Variants in PCDHGB3 observed in about 807,000 individuals in gnomAD.
The protein encoded by PCDHGB3 is protocadherin gamma-B3.
A neutral mutation model predicts 59.2 loss-of-function variants in PCDHGB3; 40 were observed. The observed-to-expected ratio is 0.68, with a 90% confidence interval of 0.52 to 0.88. PCDHGB3 has a LOEUF of 0.88. Among genes scored for constraint, PCDHGB3 ranks in the 40% least tolerant of loss-of-function variants. The pLI, the probability that PCDHGB3 is intolerant of heterozygous loss-of-function variation, is 0.00. For synonymous variants in PCDHGB3, 581 were observed against 503.6 expected, an observed-to-expected ratio of 1.15 and a Z score of -2.06; for missense variants, 1,309 against 1,187.9, an observed-to-expected ratio of 1.10 and a Z score of -1.50.
At chr5:141,377,254 T>A (rs1332272982) in intron 1 of PCDHGB3, 1 of 149,056 alleles carries the variant, frequency 6.7e-6, no homozygotes, top group Non-Finnish European at 1.5e-5. Flanking sequence ...TGTAAGGTTC[T>A]TTCTTTTTCT....
intron 1 of PCDHGB3, chr5:141,419,876 C>T (rs1219393740): frequency 1.4e-5 from 23 of 1,614,084 alleles, no homozygotes; most frequent in Non-Finnish European, 1.9e-5. Flanking sequence ...AGAGGTACTG[C>T]CGGATTTCAG....
chr5:141,375,069 A>G (rs746129890), intron 1 of PCDHGB3: 4 of 1,614,040 alleles, frequency 2.5e-6, no homozygotes, highest in South Asian at 2.2e-5. Context: ...GGTCTTCGAG[A>G]CAGAGCGAAA....
rs765353257 is a variant in PCDHGB3 at position 141,431,824 on chromosome 5, G to A, written c.2415+59015G>A. On this transcript the variant is annotated intron_variant, in intron 1 of 3. Coordinates refer to ENST00000576222, the MANE Select transcript of PCDHGB3 (RefSeq NM_018924.5). The surrounding 1 kb of genome is among the most constrained non-coding windows in gnomAD (Gnocchi z 4.8). ...TGGTCCTCACCTCTCTCGCCAGCTC[G>A]GTTCCCGAAAACTCTCCCAGAGGGA... is the stretch of plus-strand genomic sequence containing the variant. The A allele has an allele frequency of 1.3e-5, 21 of 1,614,092 alleles. No homozygotes were observed. In the South Asian group the frequency reaches 2.1e-4, roughly 16 times the overall value.
At chr5:141,496,509 C>A (rs955577717) in intron 2 of PCDHGB3, among the ~76,000 whole-genome samples, 3 of 152,168 alleles carry the variant, frequency 2.0e-5, no homozygotes, top group Non-Finnish European at 4.4e-5. Context: ...GCCACAAGGA[C>A]CCAGGAGCCC....
rs545524357 is a variant in PCDHGB3, at chr5:141,467,902, G to A, written c.2416-26905G>A. ...TCAAACTCCTGAGCTCAAGAAATCC[G>A]CCCACCTCAGCCTCCCAAAATGCTA... On this transcript the variant is annotated intron_variant, in intron 1 of 3. Coordinates refer to ENST00000576222, the MANE Select transcript of PCDHGB3 (RefSeq NM_018924.5). 1.1e-4 allele frequency among the ~76,000 whole-genome samples: 16 copies of A among 151,862 alleles called. No homozygotes were observed. The East Asian group carries it at 2.3e-3, about 22-fold the overall frequency.
At chr5:141,399,798 G>T (rs2093890900) in intron 1 of PCDHGB3, 2 of 1,613,118 alleles carry the variant, frequency 1.2e-6, no homozygotes, top group Non-Finnish European at 1.7e-6. Context: ...ACGCACCGCG[G>T]GTGCTGTACC....
intron 1 of PCDHGB3, chr5:141,399,717 C>T (rs748626326): frequency 3.1e-6 from 5 of 1,613,320 alleles, no homozygotes; most frequent in Non-Finnish European, 4.2e-6. Context: ...CACTACAGGC[C>T]CGCGACCAGG....
chr5:141,511,823 G>A lies in PCDHGB3; in HGVS notation c.*650G>A, dbSNP rs1490513046. On this transcript the variant is annotated 3_prime_UTR_variant, in exon 4 of 4. Transcript: ENST00000576222. ...TTTTGCTACCAAGCCTCTTCCCAACGCCCTGGGGACCAGTCTTCTGTTTTG... is the reference window on the plus strand; with the variant it reads ...TTTTGCTACCAAGCCTCTTCCCAACACCCTGGGGACCAGTCTTCTGTTTTG... 4 of 156,728 alleles carry A rather than the reference G, an allele frequency of 2.6e-5. No homozygotes were observed. The highest frequency in any genetic ancestry group is 3.2e-3 in the Middle Eastern group (1 of 316). 9.7% of individuals were successfully genotyped at this position (156,728 alleles called of 1,614,324 possible). A position where few individuals can be genotyped will look rare whatever the true frequency, so the allele number is the denominator to read the frequency against.
chr5:141,433,221 A>G, intron 1 of PCDHGB3: 1 of 1,475,672 alleles, frequency 6.8e-7, no homozygotes, highest in African/African-American at 1.4e-5. Context: ...TTTTTTTTTT[A>G]ATTGCTCTGT....
intron 1 of PCDHGB3, chr5:141,423,398 G>C (rs767594062): frequency 6.8e-6 from 11 of 1,614,172 alleles, no homozygotes; most frequent in Non-Finnish European, 9.3e-6. Context: ...CATAAGTCAC[G>C]CCTGCTGCAG....
intron 1 of PCDHGB3, among the ~76,000 whole-genome samples, chr5:141,446,411 G>A (rs778985047): frequency 1.3e-5 from 2 of 152,086 alleles, no homozygotes; most frequent in Non-Finnish European, 2.9e-5. Flanking sequence ...TTGAGTTCCA[G>A]CCATGTTCAT....
Position 141,370,293 on chromosome 5 carries a change from C to A in PCDHGB3, c.-102C>A. 9.3e-7 allele frequency: 1 copy of A among 1,074,278 alleles called. No individual in the cohort carries two copies. The highest frequency in any genetic ancestry group is 1.3e-6 in the Non-Finnish European group (1 of 755,472). The allele number at this position is 1,074,278 out of a possible 1,614,324, so 66.5% of individuals were successfully genotyped here. A position where few individuals can be genotyped will look rare whatever the true frequency, so the allele number is the denominator to read the frequency against. On this transcript the variant is annotated 5_prime_UTR_variant, in exon 1 of 4. Transcript: ENST00000576222. ...GGAGACACCCATTAGAGAACCCAAG[C>A]ACAAAGACAAAGCAAATAGTTGGTC...
chr5:141,446,130 CTT>C (rs1191897284), intron 1 of PCDHGB3, among the ~76,000 whole-genome samples: 2 of 152,076 alleles, frequency 1.3e-5, no homozygotes, highest in African/African-American at 4.8e-5. Context: ...TTCAATAAGA[CTT>C]AATAATGGAA....
intron 1 of PCDHGB3, chr5:141,419,733 AGGTGCGCATGGTGCGTGCTTTG>A (rs763538035): frequency 1.1e-5 from 18 of 1,613,646 alleles, no homozygotes; most frequent in Non-Finnish European, 1.4e-5. Context: ...CGAACAGGCG[AGGTGCGCATGGTGCGTGCTTTG>A]GGTGACAAGG....
chr5:141,393,573 A>G lies in PCDHGB3; in HGVS notation c.2415+20764A>G, dbSNP rs568065764. 1.2e-4 allele frequency: 190 copies of G among 1,613,964 alleles called. 1 individual carries two copies. In the South Asian group the frequency reaches 2.0e-3, roughly 17 times the overall value. ...GATTTACCGAGTGAAAGTCCTTGAGAACATGCCCCCAGGCACGCGGCTGCT... is the reference window on the plus strand; with the variant it reads ...GATTTACCGAGTGAAAGTCCTTGAGGACATGCCCCCAGGCACGCGGCTGCT... On this transcript the variant is annotated intron_variant, in intron 1 of 3. Coordinates refer to ENST00000576222, the MANE Select transcript of PCDHGB3 (RefSeq NM_018924.5).
Position 141,431,180 on chromosome 5 carries a change from A to C in PCDHGB3, c.2415+58371A>C. The C allele has an allele frequency of 6.2e-7, 1 of 1,614,246 alleles. No homozygotes were observed. The highest frequency in any genetic ancestry group is 8.5e-7 in the Non-Finnish European group (1 of 1,180,044). On this transcript the variant is annotated intron_variant, in intron 1 of 3. Transcript: ENST00000576222. This position sits in a 1 kb window ranked among gnomAD's most constrained non-coding sequence, Gnocchi z 4.8. ...CTTTCGTGAAAGTGAATTAGAAATA[A>C]AAATTAGTGAAAATGCAGCCACTGA...
intron 1 of PCDHGB3, among the ~76,000 whole-genome samples, chr5:141,454,538 C>G (rs1229435473): frequency 6.6e-6 from 1 of 152,110 alleles, no homozygotes; most frequent in African/African-American, 2.4e-5. Context: ...TCCCAAGTAG[C>G]TGAGATTACA....
In PCDHGB3 at chr5:141,486,936, A is replaced by G; in HGVS notation, c.2416-7871A>G. 2 of 1,614,184 alleles carry G rather than the reference A, an allele frequency of 1.2e-6. No individual in the cohort carries two copies. Among genetic ancestry groups the G allele is most frequent in the Non-Finnish European group, 1.7e-6 (2 of 1,180,030 alleles). On this transcript the variant is annotated intron_variant, in intron 1 of 3. Transcript: ENST00000576222. This position sits in a 1 kb window ranked among gnomAD's most constrained non-coding sequence, Gnocchi z 5.0. ...CTGCCTCCATCAGTTGGTGCTGGCC[A>G]CCTAATCACAAAGGTGACTGCTGTG...
intron 1 of PCDHGB3, among the ~76,000 whole-genome samples, chr5:141,445,784 G>A (rs2098477494): frequency 6.6e-6 from 1 of 152,168 alleles, no homozygotes; most frequent in Non-Finnish European, 1.5e-5. Flanking sequence ...GGGCTAGGGA[G>A]GCTAGAAACA....
Sources: gnomAD v4.1 joint callset for allele counts (sites outside exome capture counted in the v4.1 genomes callset) on GRCh38, gnomAD v4.1.1 for gene constraint, Gnocchi (gnomAD v3.1) non-coding constraint, MANE v1.5 for transcripts, NCBI Gene and HGNC (gene_info 2026-07-23, HGNC 2026-07-21) for gene names.